Variants in RALGPS2 observed in about 807,000 individuals in gnomAD.
RALGPS2 encodes ras-specific guanine nucleotide-releasing factor RalGPS2.
A neutral mutation model predicts 86.8 loss-of-function variants in RALGPS2; 43 were observed. The observed-to-expected ratio is 0.50, with a 90% CI of 0.39 to 0.64. The LOEUF is 0.64. RALGPS2 is among the 30% of genes least tolerant of loss of function. The pLI, the probability that RALGPS2 is intolerant of heterozygous loss-of-function variation, is 0.00. For missense variants in RALGPS2, 536 were observed against 694.6 expected (o/e 0.77, Z 2.57); for synonymous variants, 243 against 231.3 (o/e 1.05, Z -0.46).
At chr1:178,912,459 G>T (rs549045584) in intron 19 of RALGPS2, among the ~76,000 whole-genome samples, 2 of 152,112 alleles carry the variant, frequency 1.3e-5, no homozygotes, top group Non-Finnish European at 2.9e-5. Context: ...AGTTTGGTGG[G>T]ACATGAAATT....
intron 8 of RALGPS2, among the ~76,000 whole-genome samples, chr1:178,849,403 T>A (rs1262110285): frequency 6.6e-6 from 1 of 152,228 alleles, no homozygotes; most frequent in Non-Finnish European, 1.5e-5. Context: ...AGTTTAGCAT[T>A]CAGCCTAGTT....
chr1:178,892,234 A>G lies in RALGPS2; in HGVS notation c.1252A>G (p.Arg418Gly), dbSNP rs747247523. ...ATTTATAATGGAATCCAACAGGAAC[A>G]GATTATACCATTCTCTCGGCCCGGT... is the stretch of plus-strand genomic sequence containing the variant. ...ETSWPAFERN[R>G]LYHSLGPVTR... Residue 418 changes from arginine to glycine, a missense_variant, in exon 15 of 20, where the codon AGA becomes GGA. Arg to Gly is a moderately radical substitution (Grantham distance 125). Transcript: ENST00000367635. 1 of 1,612,362 alleles carries G rather than the reference A, an allele frequency of 6.2e-7. No homozygotes were observed. Among genetic ancestry groups the G allele is most frequent in the Non-Finnish European group, 8.5e-7 (1 of 1,178,784 alleles).
intron 8 of RALGPS2, among the ~76,000 whole-genome samples, chr1:178,863,087 A>G (rs983344661): frequency 6.6e-6 from 1 of 152,212 alleles, no homozygotes; most frequent in Non-Finnish European, 1.5e-5. Flanking sequence ...TCTTTCCCCT[A>G]AGATCACACA....
intron 4 of RALGPS2, among the ~76,000 whole-genome samples, chr1:178,800,370 A>T (rs1012530575): frequency 3.3e-5 from 5 of 152,162 alleles, no homozygotes; most frequent in Non-Finnish European, 7.4e-5. Context: ...TTGTAAAGTT[A>T]CACCAAGTGT....
At chr1:178,733,653 G>A (rs1184502876) in intron 1 of RALGPS2, among the ~76,000 whole-genome samples, 2 of 152,186 alleles carry the variant, frequency 1.3e-5, no homozygotes, top group African/African-American at 4.8e-5. Flanking sequence ...AAATTCTTTG[G>A]CAGCATTTGC....
chr1:178,770,995 C>T (rs77607940), intron 1 of RALGPS2, among the ~76,000 whole-genome samples: 20,306 of 151,390 alleles, frequency 0.13, 1,834 homozygotes, highest in East Asian at 0.32. Context: ...CCGGCCACCA[C>T]GCCCAGCTAA....
At chr1:178,837,709 C>CGAGCGT (rs10678213) in intron 8 of RALGPS2, among the ~76,000 whole-genome samples, 1 of 151,836 alleles carries the variant, frequency 6.6e-6, no homozygotes, top group Non-Finnish European at 1.5e-5. Flanking sequence ...TGCAGCCCAC[C>CGAGCGT]GAGCCGAAGC....
intron 1 of RALGPS2, among the ~76,000 whole-genome samples, chr1:178,773,211 T>C (rs1652892917): frequency 6.6e-6 from 1 of 152,184 alleles, no homozygotes; most frequent in South Asian, 2.1e-4. Context: ...TAGCTGGGCA[T>C]GGTGGTGCAC....
chr1:178,830,510 C>T (rs576349431), intron 7 of RALGPS2, among the ~76,000 whole-genome samples: 14 of 152,148 alleles, frequency 9.2e-5, no homozygotes, highest in Admixed American at 1.3e-4. Flanking sequence ...ATTGGAGCTG[C>T]AAAATTGGTC....
At chr1:178,890,601 T>C (rs953091137) in intron 14 of RALGPS2, among the ~76,000 whole-genome samples, 1 of 151,938 alleles carries the variant, frequency 6.6e-6, no homozygotes, top group African/African-American at 2.4e-5. Flanking sequence ...TTAAATTAAA[T>C]TTTATTTGAA....
At chr1:178,809,182 C>T (rs557714448) in intron 5 of RALGPS2, among the ~76,000 whole-genome samples, 124 of 151,990 alleles carry the variant, frequency 8.2e-4, no homozygotes, top group Middle Eastern at 3.4e-3. Context: ...TTTCTTTTTT[C>T]TCCTTGACCA....
At chr1:178,883,344 A>G in intron 10 of RALGPS2, 122 bp from the exon 11 acceptor site, 2 of 732,984 alleles carry the variant, frequency 2.7e-6, no homozygotes, top group Non-Finnish European at 4.6e-6. Flanking sequence ...GAAGAAAAGT[A>G]TATAGGTCAG....
At chr1:178,856,740 G>A (rs74784251) in intron 8 of RALGPS2, among the ~76,000 whole-genome samples, 1 of 151,882 alleles carries the variant, frequency 6.6e-6, no homozygotes, top group African/African-American at 2.4e-5. Context: ...ATTTAATAAA[G>A]TAGCTTATTT....
At chr1:178,755,504 C>T (rs1011752743) in intron 1 of RALGPS2, among the ~76,000 whole-genome samples, 2 of 152,130 alleles carry the variant, frequency 1.3e-5, no homozygotes, top group Non-Finnish European at 2.9e-5. Context: ...CATGTTGCTG[C>T]GAAGGACATG....
At chr1:178,777,815 G>A (rs1342887010) in intron 2 of RALGPS2, among the ~76,000 whole-genome samples, 1 of 150,942 alleles carries the variant, frequency 6.6e-6, no homozygotes, top group African/African-American at 2.4e-5. Flanking sequence ...TTTAATAAAT[G>A]GTGCTGGGAA....
chr1:178,761,328 C>G (rs1652229335), intron 1 of RALGPS2, among the ~76,000 whole-genome samples: 1 of 151,504 alleles, frequency 6.6e-6, no homozygotes, highest in Non-Finnish European at 1.5e-5. Context: ...ATTCGGGAGG[C>G]TGAGGCAGGA....
Position 178,821,765 on chromosome 1 carries a change from C to T in RALGPS2, c.480+61C>T, listed in dbSNP as rs1655519590. On this transcript the variant is annotated intron_variant, in intron 7 of 19. Coordinates refer to ENST00000367635, the MANE Select transcript of RALGPS2 (RefSeq NM_152663.5). ...TTCCTGTGGAAAGGAAAGATATATT[C>T]ATTTCCTTTGTAATTCTTATTAAAG... 5.7e-6 allele frequency: 7 copies of T among 1,230,080 alleles called. No homozygotes were observed. In the South Asian group the frequency reaches 7.7e-5, roughly 14 times the overall value. The allele number at this position is 1,230,080 out of a possible 1,614,324, so 76.2% of individuals were successfully genotyped here. A position where few individuals can be genotyped will look rare whatever the true frequency, so the allele number is the denominator to read the frequency against.
chr1:178,892,333 C>A, intron 15 of RALGPS2, 26 bp downstream of exon 15: 10 of 1,589,502 alleles, frequency 6.3e-6, no homozygotes, highest in Middle Eastern at 1.7e-4. Flanking sequence ...ATTCAGGGGT[C>A]ACAGAACTCC....
rs989608418 is a variant in RALGPS2 at position 178,917,980 on chromosome 1, A to G, written c.*1621A>G. On this transcript the variant is annotated 3_prime_UTR_variant, in exon 20 of 20. Coordinates refer to ENST00000367635, the MANE Select transcript of RALGPS2 (RefSeq NM_152663.5). ...TTTGCCCTTGAGTCCATGAAACTTC[A>G]ATAGAAAATATTGCTTATACAATAA... is the stretch of plus-strand genomic sequence containing the variant. 6.6e-6 allele frequency: 1 copy of G among 152,176 alleles called. No individual in the cohort carries two copies. Among genetic ancestry groups the G allele is most frequent in the Non-Finnish European group, 1.5e-5 (1 of 68,006 alleles). The allele number at this position is 152,176 out of a possible 1,614,324, so 9.4% of individuals were successfully genotyped here.
Sources: allele counts gnomAD v4.1 joint callset (sites outside exome capture counted in the v4.1 genomes callset), GRCh38; gene constraint gnomAD v4.1.1; transcripts MANE v1.5; gene names NCBI Gene and HGNC (gene_info 2026-07-23, HGNC 2026-07-21).